Variants in ALOX5AP observed in about 807,000 individuals in gnomAD.
The protein encoded by ALOX5AP is arachidonate 5-lipoxygenase activating protein.
A neutral mutation model predicts 18.5 loss-of-function variants in ALOX5AP; 9 were observed. That is an observed-to-expected ratio of 0.49 (90% CI 0.29 to 0.85). The LOEUF is 0.85. Ranked by LOEUF, ALOX5AP falls within the 40% of genes least tolerant of loss-of-function variation. The pLI is 0.08. For synonymous variants in ALOX5AP, 81 were observed against 78.6 expected (o/e 1.03, Z -0.16); for missense variants, 172 against 202.5 (o/e 0.85, Z 0.91).
At chr13:30,724,410 C>A (rs1344656371) in intron 1 of ALOX5AP, among the ~76,000 whole-genome samples, 1 of 152,152 alleles carries the variant, frequency 6.6e-6, no homozygotes, top group East Asian at 1.9e-4. Flanking sequence ...TTGAATGAGA[C>A]CCCAGAACAA....
intron 4 of ALOX5AP, among the ~76,000 whole-genome samples, chr13:30,757,779 CT>C (rs1951908468): frequency 6.6e-6 from 1 of 152,156 alleles, no homozygotes; most frequent in East Asian, 1.9e-4. Flanking sequence ...ACTTTAAAGG[CT>C]TTACTAACTG....
At chr13:30,722,246 G>A (rs1329259619) in intron 1 of ALOX5AP, among the ~76,000 whole-genome samples, 1 of 152,172 alleles carries the variant, frequency 6.6e-6, no homozygotes, top group African/African-American at 2.4e-5. Context: ...GCTGTCTCAG[G>A]CAATCAGGTG....
At chr13:30,758,921 G>T (rs1384624739) in intron 4 of ALOX5AP, among the ~76,000 whole-genome samples, 2 of 152,022 alleles carry the variant, frequency 1.3e-5, no homozygotes, top group African/African-American at 4.8e-5. Flanking sequence ...AGGTTCAAGT[G>T]ATTCTTATAC....
At chr13:30,714,918 G>A (rs9579638) in intron 1 of ALOX5AP, among the ~76,000 whole-genome samples, 36 of 151,992 alleles carry the variant, frequency 2.4e-4, no homozygotes, top group Non-Finnish European at 2.1e-4. Flanking sequence ...TGTACTCCCC[G>A]CTTAGAGCTG....
intron 1 of ALOX5AP, among the ~76,000 whole-genome samples, chr13:30,729,193 C>T (rs1951661035): frequency 1.3e-5 from 2 of 151,144 alleles, no homozygotes; most frequent in Non-Finnish European, 2.9e-5. Flanking sequence ...TTTGTGTTAT[C>T]TAAAAAAAAT....
intron 1 of ALOX5AP, among the ~76,000 whole-genome samples, chr13:30,714,458 G>A (rs1197392774): frequency 1.3e-5 from 2 of 151,988 alleles, no homozygotes; most frequent in East Asian, 1.9e-4. Context: ...GAGGGATCCC[G>A]TCATTGCCCA....
chr13:30,764,180 G>C lies in ALOX5AP; in HGVS notation c.*74G>C. On this transcript the variant is annotated 3_prime_UTR_variant, in exon 5 of 5. Coordinates refer to ENST00000380490, the MANE Select transcript of ALOX5AP (RefSeq NM_001629.4). ...AGTCATCATAATTCAGCTCTTGAGAGCATTCTGCTCTTCTTTAGATGGCTG... is the reference window on the plus strand; with the variant it reads ...AGTCATCATAATTCAGCTCTTGAGACCATTCTGCTCTTCTTTAGATGGCTG... 2 of 1,479,706 alleles carry C rather than the reference G, an allele frequency of 1.4e-6. No individual in the cohort carries two copies. The highest frequency in any genetic ancestry group is 2.6e-5 in the South Asian group (2 of 76,658). The allele number at this position is 1,479,706 out of a possible 1,614,324, so 91.7% of individuals were successfully genotyped here. A position where few individuals can be genotyped will look rare whatever the true frequency, so the allele number is the denominator to read the frequency against.
intron 1 of ALOX5AP, among the ~76,000 whole-genome samples, chr13:30,722,326 C>T (rs9741385): frequency 0.21 from 31,293 of 152,206 alleles, 4,249 homozygotes; most frequent in African/African-American, 0.37. Context: ...TTCTTGTTCA[C>T]CTTGAACCAC....
intron 2 of ALOX5AP, among the ~76,000 whole-genome samples, chr13:30,751,680 C>T (rs979366243): frequency 6.6e-5 from 10 of 152,198 alleles, no homozygotes; most frequent in African/African-American, 2.2e-4. Context: ...CTCTTCTCCC[C>T]GACCACCCCC....
intron 4 of ALOX5AP, among the ~76,000 whole-genome samples, chr13:30,758,017 G>A (rs181519470): frequency 8.5e-5 from 13 of 152,078 alleles, no homozygotes; most frequent in African/African-American, 1.2e-4. Context: ...CCCTCTGGCC[G>A]TGGTAGGCAT....
intron 1 of ALOX5AP, among the ~76,000 whole-genome samples, chr13:30,729,977 T>A (rs1951668545): frequency 6.6e-6 from 1 of 152,212 alleles, no homozygotes; most frequent in South Asian, 2.1e-4. Context: ...TACTGTGTGG[T>A]GTGAGTTTGT....
intron 1 of ALOX5AP, among the ~76,000 whole-genome samples, chr13:30,729,637 C>T (rs539852938): frequency 3.4e-5 from 5 of 147,424 alleles, no homozygotes; most frequent in Non-Finnish European, 7.4e-5. Flanking sequence ...AGTGCAGTGG[C>T]GTGATCCCAG....
At chr13:30,718,012 T>G (rs1297654243) in intron 1 of ALOX5AP, among the ~76,000 whole-genome samples, 1 of 150,824 alleles carries the variant, frequency 6.6e-6, no homozygotes, top group Non-Finnish European at 1.5e-5. Flanking sequence ...CAGGGTGGAG[T>G]GCAATGGCAC....
chr13:30,741,437 C>T (rs1408958273), intron 1 of ALOX5AP, among the ~76,000 whole-genome samples: 1 of 148,312 alleles, frequency 6.7e-6, no homozygotes, highest in African/African-American at 2.5e-5. Flanking sequence ...ACTCTTGTCA[C>T]CCAGGCTGGA....
intron 3 of ALOX5AP, among the ~76,000 whole-genome samples, chr13:30,754,855 A>G (rs1423223209): frequency 6.6e-6 from 1 of 152,234 alleles, no homozygotes; most frequent in Non-Finnish European, 1.5e-5. Flanking sequence ...CGTCTGTCAA[A>G]TGGTGACAGT....
chr13:30,761,429 G>A (rs374502612), intron 4 of ALOX5AP, among the ~76,000 whole-genome samples: 3 of 152,186 alleles, frequency 2.0e-5, no homozygotes, highest in East Asian at 1.9e-4. Context: ...GGCCTCATTC[G>A]TGTGATAAAT....
chr13:30,764,418 T>C lies in ALOX5AP; in HGVS notation c.*312T>C, dbSNP rs1951973101. 3.9e-6 allele frequency: 1 copy of C among 258,304 alleles called. No individual in the cohort carries two copies. The highest frequency in any genetic ancestry group is 5.4e-5 in the Admixed American group (1 of 18,522). 16.0% of individuals were successfully genotyped at this position (258,304 alleles called of 1,614,324 possible). A position where few individuals can be genotyped will look rare whatever the true frequency, so the allele number is the denominator to read the frequency against. On this transcript the variant is annotated 3_prime_UTR_variant, in exon 5 of 5. Coordinates refer to ENST00000380490, the MANE Select transcript of ALOX5AP (RefSeq NM_001629.4). ...TTAAAATAAAATGCAGAGACATGTT[T>C]TAAGCTGATAGTTGAGGGGTTTTGT...
intron 4 of ALOX5AP, among the ~76,000 whole-genome samples, chr13:30,758,216 T>G (rs17074984): frequency 0.077 from 11,732 of 152,230 alleles, 702 homozygotes; most frequent in African/African-American, 0.16. Flanking sequence ...CCAGAGGGGC[T>G]TTATGGTTAA....
intron 1 of ALOX5AP, among the ~76,000 whole-genome samples, chr13:30,729,865 C>T (rs570938314): frequency 5.3e-5 from 8 of 152,336 alleles, no homozygotes; most frequent in South Asian, 2.1e-4. Context: ...CATGAGCCAC[C>T]GTGCCCGGCC....
Sources: gnomAD v4.1 joint callset for allele counts (sites outside exome capture counted in the v4.1 genomes callset) on GRCh38, gnomAD v4.1.1 for gene constraint, MANE v1.5 for transcripts, NCBI Gene and HGNC (gene_info 2026-07-23, HGNC 2026-07-21) for gene names.